EXOC4: variants seen among roughly 807,000 people sequenced by gnomAD.
EXOC4 encodes the protein SEC8-like 1.
In EXOC4, 71 loss-of-function variants were observed where a neutral mutation model predicts 107.2. That is an observed-to-expected ratio of 0.66 (90% CI 0.55 to 0.81). The LOEUF (loss-of-function observed/expected upper bound fraction) is 0.81, where lower values mean the gene tolerates loss of function less well. EXOC4 is among the 30% of genes least tolerant of loss of function. The pLI, the probability that EXOC4 is intolerant of heterozygous loss-of-function variation, is 0.00. For synonymous variants in EXOC4, 456 were observed against 441.2 expected, an observed-to-expected ratio of 1.03 and a Z score of -0.42; for missense variants, 1,108 against 1,189.6, an observed-to-expected ratio of 0.93 and a Z score of 1.01.
rs969778261 is a variant in EXOC4, at chr7:133,577,852, CA to C, written c.1418-52184del. Among the ~76,000 whole-genome samples the C allele has an allele frequency of 3.3e-3, 492 of 150,248 alleles. 3 individuals carry two copies. The highest frequency in any genetic ancestry group is 0.012 in the African/African-American group (474 of 41,028). ...TGACATATGCACTTTTTCTGACTTT[CA>C]AAAAAAAAGTTAAAATCAGAAAAGA... On this transcript the variant is annotated intron_variant, in intron 9 of 17. Coordinates refer to ENST00000253861, the MANE Select transcript of EXOC4 (RefSeq NM_021807.4).
chr7:134,033,442 C>T (rs548906810), intron 17 of EXOC4, among the ~76,000 whole-genome samples: 12 of 152,234 alleles, frequency 7.9e-5, no homozygotes, highest in African/African-American at 2.9e-4. Flanking sequence ...GGCATCCCAC[C>T]TGCTCATCCT....
chr7:133,884,047 T>C (rs111481517), intron 11 of EXOC4, among the ~76,000 whole-genome samples: 4 of 152,244 alleles, frequency 2.6e-5, no homozygotes, highest in African/African-American at 9.6e-5. Flanking sequence ...TTTTACTGAC[T>C]TGTCATTGAA....
chr7:134,017,791 C>T (rs1459002338), intron 17 of EXOC4, among the ~76,000 whole-genome samples: 3 of 152,208 alleles, frequency 2.0e-5, no homozygotes, highest in Admixed American at 6.5e-5. Flanking sequence ...TCCCCATAAA[C>T]ATATCTCATG....
chr7:133,726,776 C>T (rs190551682), intron 10 of EXOC4, among the ~76,000 whole-genome samples: 1 of 152,310 alleles, frequency 6.6e-6, no homozygotes, highest in African/African-American at 2.4e-5. Context: ...GCTCTACTGA[C>T]ATGCATCCCA....
At chr7:133,458,259 C>G (rs1318059832) in intron 7 of EXOC4, among the ~76,000 whole-genome samples, 3 of 152,208 alleles carry the variant, frequency 2.0e-5, no homozygotes, top group Admixed American at 6.5e-5. Flanking sequence ...GGACCTGACT[C>G]TGGGGGTTGG....
At chr7:134,047,231 G>A (rs951281452) in intron 17 of EXOC4, among the ~76,000 whole-genome samples, 5 of 152,136 alleles carry the variant, frequency 3.3e-5, no homozygotes, top group Non-Finnish European at 5.9e-5. Flanking sequence ...CTCTCATAAT[G>A]TAGCCCTTTC....
chr7:133,268,756 T>C (rs1171087828), intron 1 of EXOC4, among the ~76,000 whole-genome samples: 1 of 152,202 alleles, frequency 6.6e-6, no homozygotes, highest in Non-Finnish European at 1.5e-5. Flanking sequence ...TAGAACTTAA[T>C]AACATATTTG....
At chr7:133,430,937 A>G (rs533362588) in intron 7 of EXOC4, among the ~76,000 whole-genome samples, 1 of 152,270 alleles carries the variant, frequency 6.6e-6, no homozygotes, top group Non-Finnish European at 1.5e-5. Flanking sequence ...CACCTTGTCC[A>G]TTTTGTTCAC....
chr7:133,811,362 A>T (rs1209036307), intron 10 of EXOC4, among the ~76,000 whole-genome samples: 1 of 152,182 alleles, frequency 6.6e-6, no homozygotes, highest in Non-Finnish European at 1.5e-5. Flanking sequence ...ATTGTTGGGA[A>T]AATTGGGCTT....
intron 9 of EXOC4, among the ~76,000 whole-genome samples, chr7:133,623,950 T>C (rs1317873516): frequency 6.6e-6 from 1 of 152,192 alleles, no homozygotes; most frequent in Non-Finnish European, 1.5e-5. Context: ...GGGTGACAGC[T>C]GTGAATTCAG....
the EXOC4 span, among the ~76,000 whole-genome samples, chr7:134,073,227 A>AAAAAAAAAAAAG: frequency 2.2e-4 from 4 of 18,132 alleles, no homozygotes; most frequent in African/African-American, 1.1e-3. Context: ...AAAAAAAAAA[A>AAAAAAAAAAAAG]AAAAACAACA....
chr7:133,941,821 T>TTCTCTCTCTCTCTC (rs67720946), intron 14 of EXOC4, among the ~76,000 whole-genome samples: 4,622 of 129,524 alleles, frequency 0.036, 231 homozygotes, highest in Middle Eastern at 0.049. Context: ...TGCTTACAGA[T>TTCTCTCTCTCTCTC]TCTCTCTCTC....
At chr7:134,029,981 T>A (rs1043116456) in intron 17 of EXOC4, among the ~76,000 whole-genome samples, 5 of 152,232 alleles carry the variant, frequency 3.3e-5, no homozygotes, top group African/African-American at 1.2e-4. Flanking sequence ...AAGAAGTCAC[T>A]TGCTTGAGGT....
intron 17 of EXOC4, among the ~76,000 whole-genome samples, chr7:134,017,064 A>G (rs1030446497): frequency 6.6e-6 from 1 of 152,212 alleles, no homozygotes; most frequent in Non-Finnish European, 1.5e-5. Flanking sequence ...TTTGTTTCTG[A>G]GAAAGAAGCA....
At chr7:133,282,685 G>C (rs925845427) in intron 2 of EXOC4, among the ~76,000 whole-genome samples, 18 of 151,886 alleles carry the variant, frequency 1.2e-4, no homozygotes, top group African/African-American at 4.4e-4. Context: ...GTTTGTAGTA[G>C]AGAGCATGAT....
chr7:133,732,104 T>C (rs1383057107), intron 10 of EXOC4, among the ~76,000 whole-genome samples: 1 of 152,156 alleles, frequency 6.6e-6, no homozygotes, highest in Non-Finnish European at 1.5e-5. Flanking sequence ...TGGAATACTG[T>C]GCAGTCATAA....
intron 10 of EXOC4, among the ~76,000 whole-genome samples, chr7:133,720,811 C>T (rs1341383023): frequency 6.6e-6 from 1 of 152,118 alleles, no homozygotes; most frequent in African/African-American, 2.4e-5. Flanking sequence ...GGATAGATAA[C>T]TTCAAACTGA....
chr7:133,898,527 C>T (rs7793959), intron 12 of EXOC4, among the ~76,000 whole-genome samples: 93,768 of 151,654 alleles, frequency 0.62, 31,540 homozygotes, highest in African/African-American at 0.89. Context: ...AGGCGGATCA[C>T]GAGGTCAGGA....
chr7:133,748,761 C>G (rs9649047), intron 10 of EXOC4, among the ~76,000 whole-genome samples: 134,416 of 152,202 alleles, frequency 0.88, 59,583 homozygotes, highest in East Asian at 0.99. Flanking sequence ...AGATAAGGGA[C>G]TTGTCACCTG....
Sources: gnomAD v4.1 joint callset for allele counts (sites outside exome capture counted in the v4.1 genomes callset) on GRCh38, gnomAD v4.1.1 for gene constraint, MANE v1.5 for transcripts, NCBI Gene and HGNC (gene_info 2026-07-23, HGNC 2026-07-21) for gene names.